SMOC1: variants seen among roughly 807,000 people sequenced by gnomAD.
SMOC1 encodes the protein SPARC-related modular calcium-binding protein 1.
Under a neutral mutation model 56.3 loss-of-function variants are expected in SMOC1, and 22 were observed. The ratio of observed to expected loss-of-function variants is 0.39; its 90% confidence interval spans 0.28 to 0.56. The LOEUF is 0.56. SMOC1 is among the 20% of genes least tolerant of loss of function. SMOC1 has a pLI of 0.61. For synonymous variants in SMOC1, 193 were observed against 215.0 expected (o/e 0.90, Z 0.89); for missense variants, 509 against 565.4 (o/e 0.90, Z 1.01).
chr14:69,997,293 G>A (rs1364825669), intron 7 of SMOC1, among the ~76,000 whole-genome samples: 2 of 152,184 alleles, frequency 1.3e-5, no homozygotes, highest in East Asian at 1.9e-4. Flanking sequence ...AAGCTTTAAT[G>A]TCCGGTTCTG....
At chr14:69,937,521 G>A (rs985720239) in intron 1 of SMOC1, among the ~76,000 whole-genome samples, 19 of 152,298 alleles carry the variant, frequency 1.2e-4, no homozygotes, top group Admixed American at 7.8e-4. Flanking sequence ...CCTTGGCCCA[G>A]TTTGGGTCAA....
intron 7 of SMOC1, among the ~76,000 whole-genome samples, chr14:70,007,990 C>G (rs953256511): frequency 2.0e-5 from 3 of 152,024 alleles, no homozygotes; most frequent in Non-Finnish European, 2.9e-5. Context: ...CTTGCAGATA[C>G]TGTAATGAAG....
At chr14:70,011,247 A>G (rs1246527666) in intron 8 of SMOC1, among the ~76,000 whole-genome samples, 1 of 152,174 alleles carries the variant, frequency 6.6e-6, no homozygotes, top group Non-Finnish European at 1.5e-5. Context: ...TACTGCGTGC[A>G]GCTCAAGTAT....
At chr14:69,970,956 G>A (rs1428186749) in intron 3 of SMOC1, among the ~76,000 whole-genome samples, 1 of 152,194 alleles carries the variant, frequency 6.6e-6, no homozygotes, top group African/African-American at 2.4e-5. Context: ...TAAAGTGTAT[G>A]AGGCAGAGAT....
chr14:69,989,502 A>G (rs1383740177), intron 5 of SMOC1, among the ~76,000 whole-genome samples: 1 of 152,242 alleles, frequency 6.6e-6, no homozygotes, highest in Non-Finnish European at 1.5e-5. Context: ...GCACTCATGG[A>G]ATTATAGATG....
At chr14:69,880,704 A>G (rs943699223) in intron 1 of SMOC1, among the ~76,000 whole-genome samples, 1 of 152,208 alleles carries the variant, frequency 6.6e-6, no homozygotes, top group Non-Finnish European at 1.5e-5. Context: ...ATGTCAGGGC[A>G]ATTGACTCTT....
At chr14:69,975,686 T>A in intron 3 of SMOC1, 29 bp from the exon 4 acceptor site, 2 of 1,535,932 alleles carry the variant, frequency 1.3e-6, no homozygotes, top group Non-Finnish European at 1.8e-6. Context: ...AGACTTATGG[T>A]TTTCTTCCCT....
intron 3 of SMOC1, among the ~76,000 whole-genome samples, chr14:69,974,056 A>C (rs913905085): frequency 1.3e-5 from 2 of 152,240 alleles, no homozygotes; most frequent in Admixed American, 6.5e-5. Flanking sequence ...GGAGACCAAG[A>C]ATTGAGAAAA....
chr14:69,918,073 G>A (rs1178302775), intron 1 of SMOC1, among the ~76,000 whole-genome samples: 1 of 152,114 alleles, frequency 6.6e-6, no homozygotes, highest in Non-Finnish European at 1.5e-5. Flanking sequence ...CTTAAATCAA[G>A]CTAATTAACA....
At chr14:69,958,079 T>C (rs569861580) in intron 3 of SMOC1, among the ~76,000 whole-genome samples, 2 of 152,340 alleles carry the variant, frequency 1.3e-5, no homozygotes, top group Non-Finnish European at 2.9e-5. Flanking sequence ...TTTTAAATTT[T>C]TGGACACAAA....
intron 1 of SMOC1, among the ~76,000 whole-genome samples, chr14:69,909,003 T>C (rs936597771): frequency 3.3e-5 from 5 of 152,154 alleles, no homozygotes; most frequent in African/African-American, 9.7e-5. Flanking sequence ...TCACCTCTTC[T>C]AAAGTCCTCT....
At chr14:69,891,320 G>A (rs995908761) in intron 1 of SMOC1, among the ~76,000 whole-genome samples, 2 of 152,146 alleles carry the variant, frequency 1.3e-5, no homozygotes, top group Admixed American at 6.5e-5. Context: ...CTTTAAATTG[G>A]GTGGTGAATA....
chr14:69,951,612 A>G lies in SMOC1; in HGVS notation c.100-526A>G, dbSNP rs757779725. Among the ~76,000 whole-genome samples the G allele has an allele frequency of 1.1e-3, 167 of 152,240 alleles. 3 individuals are homozygous for G. The highest frequency in any genetic ancestry group is 2.2e-3 in the Non-Finnish European group (152 of 68,048). On this transcript the variant is annotated intron_variant, in intron 1 of 11. Coordinates refer to ENST00000361956, the MANE Select transcript of SMOC1 (RefSeq NM_001034852.3). ...TTTGGAGCTCACTACGATCTAATAAATAAAACTTTCCCGAGATGGAATTTG... is the reference window on the plus strand; with the variant it reads ...TTTGGAGCTCACTACGATCTAATAAGTAAAACTTTCCCGAGATGGAATTTG...
intron 1 of SMOC1, chr14:69,885,215 A>G (rs902818200): frequency 1.6e-6 from 1 of 626,872 alleles, no homozygotes; most frequent in Non-Finnish European, 2.6e-6. Flanking sequence ...GAACTTTTCT[A>G]CAGAGCATTC....
At chr14:69,931,565 A>C (rs1885167451) in intron 1 of SMOC1, among the ~76,000 whole-genome samples, 1 of 152,234 alleles carries the variant, frequency 6.6e-6, no homozygotes, top group Non-Finnish European at 1.5e-5. Flanking sequence ...ATAATTGTTG[A>C]ATTGATCAAC....
intron 1 of SMOC1, among the ~76,000 whole-genome samples, chr14:69,950,104 G>A (rs375312819): frequency 1.3e-5 from 2 of 152,222 alleles, no homozygotes; most frequent in East Asian, 1.9e-4. Flanking sequence ...GCAAGATTCA[G>A]GTGTGACCTG....
At chr14:70,001,559 T>A (rs2139565131) in intron 7 of SMOC1, among the ~76,000 whole-genome samples, 1 of 152,302 alleles carries the variant, frequency 6.6e-6, no homozygotes, top group African/African-American at 2.4e-5. Context: ...ACCCCTTTAT[T>A]GCCTGCCTCT....
chr14:70,026,348 C>T (rs746666955), intron 11 of SMOC1, among the ~76,000 whole-genome samples: 2 of 152,216 alleles, frequency 1.3e-5, no homozygotes, highest in Admixed American at 6.5e-5. Context: ...GCACAGCACA[C>T]GGAAGCCAAG....
rs376285955 is a variant in SMOC1, at chr14:69,920,408, CAT to C, written c.100-31727_100-31726del. On this transcript the variant is annotated intron_variant, in intron 1 of 11. Transcript: ENST00000361956. ...GCTCTTCCTGGCAGCAGACAGCCCT[CAT>C]ATTATTATTAAGGGGCTATTGCTAG... Among the ~76,000 whole-genome samples the C allele has an allele frequency of 5.7e-3, 874 of 152,242 alleles. 3 individuals are homozygous for C. Among genetic ancestry groups the C allele is most frequent in the Admixed American group, 9.8e-3 (150 of 15,298 alleles).
Sources: allele counts gnomAD v4.1 joint callset (sites outside exome capture counted in the v4.1 genomes callset), GRCh38; gene constraint gnomAD v4.1.1; transcripts MANE v1.5; gene names NCBI Gene and HGNC (gene_info 2026-07-23, HGNC 2026-07-21).